STOML3: variants seen among roughly 807,000 people sequenced by gnomAD.
The protein encoded by STOML3 is stomatin-like protein 3.
Under a neutral mutation model 29.5 loss-of-function variants are expected in STOML3, and 31 were observed. The ratio of observed to expected loss-of-function variants is 1.05; its 90% CI spans 0.79 to 1.42. The LOEUF (loss-of-function observed/expected upper bound fraction) is 1.42. Ranked by LOEUF, STOML3 falls within the 40% of genes most tolerant of loss-of-function variation. STOML3 has a pLI of 0.00. For synonymous variants in STOML3, 122 were observed against 139.8 expected, an observed-to-expected ratio of 0.87 and a Z score of 0.90; for missense variants, 380 against 363.0, an observed-to-expected ratio of 1.05 and a Z score of -0.38.
intron 1 of STOML3, among the ~76,000 whole-genome samples, chr13:38,988,666 TTGAA>T (rs1868845609): frequency 7.6e-6 from 1 of 132,116 alleles, no homozygotes; most frequent in African/African-American, 2.9e-5. Context: ...ATATTATATA[TTGAA>T]ATTTTATATA....
chr13:38,982,732 C>G (rs746274184), intron 1 of STOML3, among the ~76,000 whole-genome samples: 4 of 152,128 alleles, frequency 2.6e-5, no homozygotes, highest in African/African-American at 4.8e-5. Flanking sequence ...AGTTGAAAAG[C>G]TACACATCTC....
intron 1 of STOML3, among the ~76,000 whole-genome samples, chr13:38,986,990 A>G (rs966394903): frequency 1.3e-5 from 2 of 152,094 alleles, no homozygotes; most frequent in Non-Finnish European, 2.9e-5. Context: ...ATTCACTTTA[A>G]CTCTTAGAAG....
intron 4 of STOML3, among the ~76,000 whole-genome samples, chr13:38,971,986 CT>C (rs1318974351): frequency 6.6e-6 from 1 of 152,148 alleles, no homozygotes; most frequent in Non-Finnish European, 1.5e-5. Context: ...CAAGTGGGCC[CT>C]GTACAGCCTC....
intron 3 of STOML3, 69 bp downstream of exon 3, chr13:38,976,471 T>C: frequency 6.4e-7 from 1 of 1,564,390 alleles, no homozygotes; most frequent in African/African-American, 1.3e-5. Flanking sequence ...CCAGGAAAAA[T>C]ATTGAAGGTG....
intron 4 of STOML3, among the ~76,000 whole-genome samples, chr13:38,970,599 C>T (rs533973708): frequency 1.3e-5 from 2 of 152,306 alleles, no homozygotes; most frequent in African/African-American, 4.8e-5. Context: ...ACCCCTGTGA[C>T]TTCATCTTTA....
intron 1 of STOML3, chr13:38,979,959 G>A: frequency 2.3e-6 from 3 of 1,283,844 alleles, no homozygotes. Flanking sequence ...TGTGCTTAAT[G>A]CCTGGAGCCA....
chr13:38,973,508 C>T (rs969105502), intron 3 of STOML3, among the ~76,000 whole-genome samples: 2 of 152,126 alleles, frequency 1.3e-5, no homozygotes, highest in African/African-American at 2.4e-5. Context: ...CATGTGGTGT[C>T]CTGGGAGGGA....
chr13:38,972,554 T>C lies in STOML3; in HGVS notation c.270A>G (p.Lys90=), dbSNP rs1880914203. 2 of 1,614,088 alleles carry C rather than the reference T, an allele frequency of 1.2e-6. No homozygotes were observed. Among genetic ancestry groups the C allele is most frequent in the Non-Finnish European group, 1.7e-6 (2 of 1,179,966 alleles). Residue 90 remains lysine (K), a synonymous_variant, in exon 4 of 7, where the codon AAA becomes AAG. Coordinates refer to ENST00000379631, the MANE Select transcript of STOML3 (RefSeq NM_145286.3). ...TGCAAGTAACTGTTCGGAGGTCAAC[T>C]TTGACAAACACATCTATGCATGGCA... ...LVLPCIDVFV[K]VDLRTVTCNI... is the part of the protein sequence containing the mutation.
At chr13:38,973,587 T>C (rs528858939) in intron 3 of STOML3, among the ~76,000 whole-genome samples, 1 of 152,236 alleles carries the variant, frequency 6.6e-6, no homozygotes, top group South Asian at 2.1e-4. Context: ...TCCCTTATGA[T>C]CTAATTACCT....
chr13:38,966,534 T>C lies in STOML3; in HGVS notation c.*291A>G, dbSNP rs894577453. The C allele has an allele frequency of 8.1e-6, 2 of 245,686 alleles. No homozygotes were observed. Among genetic ancestry groups the C allele is most frequent in the Non-Finnish European group, 7.8e-6 (1 of 128,058 alleles). The allele number at this position is 245,686 out of a possible 1,614,324, so 15.2% of individuals were successfully genotyped here. The stretch of plus-strand genomic sequence containing the variant: ...GTCATAGTCACCCAATGATTTCTTC[T>C]CATACTACCAGAAAGTTCCTGCTAT... On this transcript the variant is annotated 3_prime_UTR_variant, in exon 7 of 7. Coordinates refer to ENST00000379631, the MANE Select transcript of STOML3 (RefSeq NM_145286.3).
chr13:38,967,973 G>A (rs1056095858), intron 6 of STOML3, among the ~76,000 whole-genome samples: 9 of 151,350 alleles, frequency 5.9e-5, no homozygotes, highest in Non-Finnish European at 8.8e-5. Flanking sequence ...ACAACAATGC[G>A]CAAAAGACAG....
intron 3 of STOML3, among the ~76,000 whole-genome samples, chr13:38,974,511 T>C (rs888690402): frequency 1.3e-5 from 2 of 152,142 alleles, no homozygotes; most frequent in African/African-American, 2.4e-5. Context: ...GGTTACCTAA[T>C]ATATATAAGC....
intron 1 of STOML3, among the ~76,000 whole-genome samples, chr13:38,985,346 C>A (rs1868468967): frequency 6.6e-6 from 1 of 152,106 alleles, no homozygotes; most frequent in African/African-American, 2.4e-5. Context: ...TCACTTGAAA[C>A]CGGGAGGCAG....
At chr13:38,982,758 C>T (rs1881312438) in intron 1 of STOML3, among the ~76,000 whole-genome samples, 2 of 152,066 alleles carry the variant, frequency 1.3e-5, no homozygotes, top group African/African-American at 4.8e-5. Context: ...TATTTTTGCC[C>T]ACAAGGAAAT....
intron 3 of STOML3, 136 bp downstream of exon 3, chr13:38,976,404 C>T: frequency 1.1e-6 from 1 of 924,450 alleles, no homozygotes. Context: ...TTCTGTTGTA[C>T]CAAAAGGCAA....
At chr13:38,977,722 T>C (rs1217206285) in intron 1 of STOML3, among the ~76,000 whole-genome samples, 3 of 149,234 alleles carry the variant, frequency 2.0e-5, no homozygotes, top group Non-Finnish European at 3.0e-5. Flanking sequence ...TTTACTTACA[T>C]CAATTATATA....
chr13:38,969,491 C>T (rs530512409), intron 5 of STOML3, among the ~76,000 whole-genome samples: 2 of 152,276 alleles, frequency 1.3e-5, no homozygotes, highest in East Asian at 1.9e-4. Context: ...ACTCCTACTG[C>T]CTTATAAAAG....
intron 1 of STOML3, among the ~76,000 whole-genome samples, chr13:38,985,903 T>TC: frequency 9.6e-6 from 1 of 104,574 alleles, no homozygotes; most frequent in Admixed American, 1.3e-4. Flanking sequence ...TTTTTTTTTC[T>TC]TTTCTTTCTT....
At chr13:38,988,961 CAAT>C (rs1868874550) in intron 1 of STOML3, among the ~76,000 whole-genome samples, 1 of 143,484 alleles carries the variant, frequency 7.0e-6, no homozygotes, top group Non-Finnish European at 1.5e-5. Flanking sequence ...CTATATTACA[CAAT>C]ATATTATATA....
Sources: allele counts gnomAD v4.1 joint callset (sites outside exome capture counted in the v4.1 genomes callset), GRCh38; gene constraint gnomAD v4.1.1; transcripts MANE v1.5; gene names NCBI Gene and HGNC (gene_info 2026-07-23, HGNC 2026-07-21).